Variants in ATRN observed in about 807,000 individuals in gnomAD.
ATRN encodes the protein attractin-2.
A neutral mutation model predicts 178.7 loss-of-function variants in ATRN; 54 were observed. The observed-to-expected ratio is 0.30, with a 90% CI of 0.24 to 0.38. ATRN has a LOEUF of 0.38. Ranked by LOEUF, ATRN falls within the 10% of genes least tolerant of loss-of-function variation. The probability of loss-of-function intolerance (pLI) is 1.00; values close to 1 mark genes in which losing one functional copy is unlikely to be tolerated. For missense variants in ATRN, 1,443 were observed against 1,815.1 expected (o/e 0.79, Z 3.73); for synonymous variants, 636 against 663.0 (o/e 0.96, Z 0.63).
At chr20:3,624,161 A>G (rs1160151042) in intron 24 of ATRN, among the ~76,000 whole-genome samples, 2 of 152,202 alleles carry the variant, frequency 1.3e-5, no homozygotes, top group African/African-American at 4.8e-5. Flanking sequence ...ATGAATTGGT[A>G]CTGAGGCAAA....
chr20:3,500,869 AAAAAT>A (rs2084953805), intron 1 of ATRN, among the ~76,000 whole-genome samples: 1 of 152,112 alleles, frequency 6.6e-6, no homozygotes, highest in Non-Finnish European at 1.5e-5. Context: ...TTAAAAAAAT[AAAAAT>A]AAAAATCAAG....
At chr20:3,510,954 C>T (rs2085118539) in intron 1 of ATRN, among the ~76,000 whole-genome samples, 1 of 152,082 alleles carries the variant, frequency 6.6e-6, no homozygotes, top group Non-Finnish European at 1.5e-5. Context: ...AACACTTGGC[C>T]TAATTGACAT....
Position 3,644,269 on chromosome 20 carries a change from G to A in ATRN, c.4165+1G>A, listed in dbSNP as rs148714730. ...GGCATCCCTCCTCCTGGGCAGTCAG[G>A]TGAGTAGATGCGGTCCAGCGAAAGA... On this transcript the variant is annotated splice_donor_variant, in intron 28 of 28. Transcript: ENST00000262919. LOFTEE classifies it high-confidence loss of function. 6.2e-7 allele frequency: 1 copy of A among 1,605,634 alleles called. No individual in the cohort carries two copies. Among genetic ancestry groups the A allele is most frequent in the Non-Finnish European group, 8.5e-7 (1 of 1,172,182 alleles).
chr20:3,638,712 T>G lies in ATRN; in HGVS notation c.3943-116T>G. 1 of 817,562 alleles carries G rather than the reference T, an allele frequency of 1.2e-6. No individual in the cohort carries two copies. Among genetic ancestry groups the G allele is most frequent in the Non-Finnish European group, 1.9e-6 (1 of 522,170 alleles). 50.6% of individuals were successfully genotyped at this position (817,562 alleles called of 1,614,324 possible). A position where few individuals can be genotyped will look rare whatever the true frequency, so the allele number is the denominator to read the frequency against. The stretch of plus-strand genomic sequence containing the variant: ...CTAATATCAAGTCTAAAAAGTATCA[T>G]TTTGGACTTGATTTGTTTGAATCAG... On this transcript the variant is annotated intron_variant, in intron 26 of 28. Coordinates refer to ENST00000262919, the MANE Select transcript of ATRN (RefSeq NM_139321.3). The surrounding 1 kb of genome is among the most constrained non-coding windows in gnomAD (Gnocchi z 4.5).
chr20:3,559,605 G>A (rs945123073), intron 7 of ATRN, 122 bp downstream of exon 7: 7 of 720,032 alleles, frequency 9.7e-6, no homozygotes, highest in African/African-American at 1.8e-5. Flanking sequence ...TTTATTGGGG[G>A]CATTATATAA....
At chr20:3,617,210 G>A (rs1600161427) in intron 24 of ATRN, among the ~76,000 whole-genome samples, 1 of 152,212 alleles carries the variant, frequency 6.6e-6, no homozygotes, top group African/African-American at 2.4e-5. Flanking sequence ...ACAGCGTGGA[G>A]TTAGAAGATT....
At chr20:3,614,131 C>T (rs2086805903) in intron 24 of ATRN, among the ~76,000 whole-genome samples, 1 of 152,152 alleles carries the variant, frequency 6.6e-6, no homozygotes, top group Admixed American at 6.6e-5. Flanking sequence ...AGTCCTGTTT[C>T]TGGGAGGGTG....
At chr20:3,506,081 TACACAC>T (rs767968285) in intron 1 of ATRN, among the ~76,000 whole-genome samples, 1 of 151,048 alleles carries the variant, frequency 6.6e-6, no homozygotes, top group African/African-American at 2.4e-5. Flanking sequence ...CACATACACA[TACACAC>T]ACACACAAAT....
At chr20:3,590,466 C>G (rs1000290547) in intron 18 of ATRN, among the ~76,000 whole-genome samples, 5 of 152,186 alleles carry the variant, frequency 3.3e-5, no homozygotes, top group African/African-American at 1.2e-4. Flanking sequence ...GCCTGTGCAG[C>G]TGTCCTGAGC....
intron 24 of ATRN, among the ~76,000 whole-genome samples, chr20:3,619,323 G>A (rs1202564881): frequency 6.6e-6 from 1 of 152,220 alleles, no homozygotes; most frequent in African/African-American, 2.4e-5. Context: ...GCTACATAAA[G>A]TGTAATTAGT....
Position 3,598,020 on chromosome 20 carries a change from T to C in ATRN, c.3564+20T>C, listed in dbSNP as rs951789468. 1.3e-6 allele frequency: 2 copies of C among 1,517,710 alleles called. No homozygotes were observed. Among genetic ancestry groups the C allele is most frequent in the African/African-American group, 1.4e-5 (1 of 72,804 alleles). 94.0% of individuals were successfully genotyped at this position (1,517,710 alleles called of 1,614,324 possible). ...GACGAAGTAAGATTTTTTAAAGTCT[T>C]CCTATTTTGTTTTGAATTTGTATGG... On this transcript the variant is annotated intron_variant, in intron 22 of 28. Transcript: ENST00000262919.
intron 24 of ATRN, among the ~76,000 whole-genome samples, chr20:3,608,831 G>A (rs995337960): frequency 6.6e-6 from 1 of 152,096 alleles, no homozygotes; most frequent in Non-Finnish European, 1.5e-5. Flanking sequence ...GCCATGTGCA[G>A]TGGTGGGTGC....
In ATRN at chr20:3,607,907, A is replaced by G. The variant is rs62206514; in HGVS notation, c.3801+3645A>G. On this transcript the variant is annotated intron_variant, in intron 24 of 28. Transcript: ENST00000262919. ...TTATTTTGTCTTTTTAATAATAGCCATTTTAACTGGGATGAGATGATTTCT... is the reference window on the plus strand; with the variant it reads ...TTATTTTGTCTTTTTAATAATAGCCGTTTTAACTGGGATGAGATGATTTCT... Among the ~76,000 whole-genome samples, 305 of 152,192 alleles carry G rather than the reference A, an allele frequency of 2.0e-3. 2 individuals carry two copies. Among genetic ancestry groups the G allele is most frequent in the Admixed American group, 3.6e-3 (55 of 15,290 alleles).
At chr20:3,624,903 G>T (rs971896992) in intron 25 of ATRN, among the ~76,000 whole-genome samples, 4 of 152,114 alleles carry the variant, frequency 2.6e-5, no homozygotes, top group Admixed American at 6.5e-5. Context: ...ATTAATAATG[G>T]TTACTGATGT....
chr20:3,641,407 A>T (rs1387068973), intron 27 of ATRN, among the ~76,000 whole-genome samples: 1 of 151,912 alleles, frequency 6.6e-6, no homozygotes. Flanking sequence ...CCTGGCCAAC[A>T]TGGTGAAACC....
chr20:3,624,224 A>G (rs570250295), intron 24 of ATRN, among the ~76,000 whole-genome samples: 12 of 152,324 alleles, frequency 7.9e-5, no homozygotes, highest in Non-Finnish European at 1.6e-4. Flanking sequence ...GCCAGGCTTC[A>G]TGGAGGCATG....
chr20:3,582,296 G>A lies in ATRN; in HGVS notation c.2706G>A (p.Arg902=). The A allele has an allele frequency of 6.2e-7, 1 of 1,612,620 alleles. No individual in the cohort carries two copies. The highest frequency in any genetic ancestry group is 8.5e-7 in the Non-Finnish European group (1 of 1,180,022). ...GAATTTTATCAGAACCCAGTACTCGGGGACTGAAGGCTGCAACCTGCATCA... is the reference window on the plus strand; with the variant it reads ...GAATTTTATCAGAACCCAGTACTCGAGGACTGAAGGCTGCAACCTGCATCA... ...FCGILSEPST[R]GLKAATCINP... is the part of the protein sequence containing the mutation. Residue 902 remains arginine (R), a synonymous_variant, in exon 16 of 29, where the codon CGG becomes CGA. Transcript: ENST00000262919.
In ATRN at chr20:3,583,929, A is replaced by G. The variant is rs774848129; in HGVS notation, c.2796A>G (p.Pro932=). 3.1e-6 allele frequency: 5 copies of G among 1,614,088 alleles called. No individual in the cohort carries two copies. The highest frequency in any genetic ancestry group is 1.3e-5 in the African/African-American group (1 of 74,936). ...ANHSAKQCRT[P]CALRTACGDC... is the part of the protein sequence containing the mutation. ...ACAGTGCTAAGCAGTGCCGGACACCATGTGCCTTGAGGACAGCATGTGGAG... is the reference window on the plus strand; with the variant it reads ...ACAGTGCTAAGCAGTGCCGGACACCGTGTGCCTTGAGGACAGCATGTGGAG... Residue 932 remains proline, a synonymous_variant, in exon 17 of 29, where the codon CCA becomes CCG. Transcript: ENST00000262919.
At position 3,547,411 on chromosome 20, in the gene ATRN, G is replaced by C. The variant is rs755148899; in HGVS notation, c.865G>C (p.Asp289His). 2 of 1,614,096 alleles carry C rather than the reference G, an allele frequency of 1.2e-6. No individual in the cohort carries two copies. Among genetic ancestry groups the C allele is most frequent in the Admixed American group, 3.3e-5 (2 of 60,024 alleles). ...AGCATGTGACATTCCTCACTGTACA[G>C]ACAACTGTGGTTTTCCTCATCGAGG... ...GEACDIPHCT[D>H]NCGFPHRGIC... The change falls in exon 5 of 29, where the codon GAC becomes CAC. Residue 289 changes from aspartate (D) to histidine (H), a missense_variant. Transcript: ENST00000262919.
Sources: allele counts gnomAD v4.1 joint callset (sites outside exome capture counted in the v4.1 genomes callset), GRCh38; gene constraint gnomAD v4.1.1; non-coding constraint Gnocchi (gnomAD v3.1); transcripts MANE v1.5; gene names NCBI Gene and HGNC (gene_info 2026-07-23, HGNC 2026-07-21).